Variants in THADA observed in about 807,000 individuals in gnomAD.
The protein encoded by THADA is THADA armadillo repeat containing.
A neutral mutation model predicts 219.8 loss-of-function variants in THADA; 213 were observed. The ratio of observed to expected loss-of-function variants is 0.97; its 90% CI spans 0.87 to 1.09. The LOEUF is 1.09. THADA is among the 50% of genes least tolerant of loss of function. The probability of loss-of-function intolerance (pLI) is 0.00; values close to 1 mark genes in which losing one functional copy is unlikely to be tolerated. For missense variants in THADA, 2,956 were observed against 2,311.3 expected, an observed-to-expected ratio of 1.28 and a Z score of -5.72; for synonymous variants, 1,018 against 828.9, an observed-to-expected ratio of 1.23 and a Z score of -3.92.
intron 29 of THADA, among the ~76,000 whole-genome samples, chr2:43,377,673 T>C (rs1671536180): frequency 6.6e-6 from 1 of 152,120 alleles, no homozygotes; most frequent in Non-Finnish European, 1.5e-5. Flanking sequence ...GCAATCAAAA[T>C]TTCAGGTTTG....
chr2:43,485,095 G>GGTTA, intron 26 of THADA, 139 bp downstream of exon 26: 1 of 611,604 alleles, frequency 1.6e-6, no homozygotes, highest in Admixed American at 3.3e-5. Flanking sequence ...TGGCAGCATA[G>GGTTA]GTTAATTCAT....
In THADA at chr2:43,512,298, T is replaced by C. The variant is rs148936986; in HGVS notation, c.3375-3518A>G. On this transcript the variant is annotated intron_variant, in intron 22 of 37. Coordinates refer to ENST00000405975, the MANE Select transcript of THADA (RefSeq NM_022065.5). ...TACGCAGAATTCTTTACTTATCTGG[T>C]TTCCAGTGTGAACTCTACCACCGGT... Among the ~76,000 whole-genome samples, 675 of 152,250 alleles carry C rather than the reference T, an allele frequency of 4.4e-3. 3 individuals carry two copies. The highest frequency in any genetic ancestry group is 0.01 in the Middle Eastern group (3 of 294).
rs564344790 is a variant in THADA, at chr2:43,442,109, C to T, written c.3837-11807G>A. On this transcript the variant is annotated intron_variant, in intron 26 of 37. Transcript: ENST00000405975. ...GAGTTGGAAAATATATCATTTGGGT[C>T]GGGGACATCATTATGGATAGTTTTG... Among the ~76,000 whole-genome samples the T allele has an allele frequency of 1.3e-3, 195 of 152,140 alleles. 1 individual carries two copies. The highest frequency in any genetic ancestry group is 2.7e-3 in the South Asian group (13 of 4,796).
intron 26 of THADA, among the ~76,000 whole-genome samples, chr2:43,470,389 A>G (rs1321722027): frequency 6.6e-6 from 1 of 152,098 alleles, no homozygotes; most frequent in Non-Finnish European, 1.5e-5. Context: ...CATTACTAAT[A>G]ATATTAAAAA....
intron 31 of THADA, among the ~76,000 whole-genome samples, chr2:43,297,417 G>A (rs1390347036): frequency 2.0e-5 from 2 of 100,942 alleles, no homozygotes; most frequent in African/African-American, 7.0e-5. Context: ...GAGCGTCTCC[G>A]CCCGGCAGCC....
chr2:43,591,033 C>A, intron 3 of THADA, 79 bp from the exon 4 acceptor site: 1 of 1,396,468 alleles, frequency 7.2e-7, no homozygotes, highest in Non-Finnish European at 9.8e-7. Flanking sequence ...TCTTTGAAGT[C>A]TCAATTGCTG....
At chr2:43,526,648 C>T (rs990168981) in intron 22 of THADA, among the ~76,000 whole-genome samples, 1 of 152,300 alleles carries the variant, frequency 6.6e-6, no homozygotes, top group East Asian at 1.9e-4. Context: ...TCAGTCCACA[C>T]ACATCCACAC....
At chr2:43,529,156 T>TAA (rs397741585) in intron 21 of THADA, among the ~76,000 whole-genome samples, 2 of 144,424 alleles carry the variant, frequency 1.4e-5, no homozygotes, top group Non-Finnish European at 3.1e-5. Context: ...TGACTTTTTT[T>TAA]AAAAAAAAAA....
intron 20 of THADA, among the ~76,000 whole-genome samples, chr2:43,543,989 G>C (rs2103833122): frequency 6.6e-6 from 1 of 152,202 alleles, no homozygotes; most frequent in South Asian, 2.1e-4. Context: ...TTCTTCTAGG[G>C]TTTTTATGGT....
At chr2:43,233,684 T>G (rs1667706120) in intron 36 of THADA, among the ~76,000 whole-genome samples, 1 of 152,134 alleles carries the variant, frequency 6.6e-6, no homozygotes, top group South Asian at 2.1e-4. Context: ...GCAGGGGGCC[T>G]TGGGGAAACC....
chr2:43,285,844 C>G (rs569963467), intron 35 of THADA, among the ~76,000 whole-genome samples: 2 of 152,302 alleles, frequency 1.3e-5, no homozygotes, highest in East Asian at 3.9e-4. Flanking sequence ...AGCCACTGTG[C>G]CTGGCTCAGG....
intron 21 of THADA, among the ~76,000 whole-genome samples, chr2:43,535,642 A>C (rs1222772312): frequency 7.4e-6 from 1 of 135,662 alleles, no homozygotes; most frequent in Non-Finnish European, 1.5e-5. Context: ...AGACAGCGCC[A>C]CTGCACTCAA....
intron 11 of THADA, 79 bp from the exon 12 acceptor site, chr2:43,573,071 C>T (rs1699479404): frequency 8.8e-7 from 1 of 1,141,842 alleles, no homozygotes; most frequent in Non-Finnish European, 1.2e-6. Flanking sequence ...TTCATGTTTC[C>T]AATTAACATT....
chr2:43,443,746 G>C (rs1681153366), intron 26 of THADA, among the ~76,000 whole-genome samples: 1 of 152,208 alleles, frequency 6.6e-6, no homozygotes, highest in South Asian at 2.1e-4. Flanking sequence ...ATTCAGAACT[G>C]TCAGACTATG....
intron 17 of THADA, chr2:43,556,139 TATTC>T: frequency 8.8e-7 from 1 of 1,140,408 alleles, no homozygotes; most frequent in Non-Finnish European, 1.2e-6. Flanking sequence ...TATATGTACT[TATTC>T]AACATAAATC....
At chr2:43,313,279 C>T (rs1157786732) in intron 31 of THADA, among the ~76,000 whole-genome samples, 1 of 152,146 alleles carries the variant, frequency 6.6e-6, no homozygotes, top group Non-Finnish European at 1.5e-5. Context: ...GTCTTCTAAT[C>T]GTACACTGAT....
intron 4 of THADA, among the ~76,000 whole-genome samples, chr2:43,590,599 C>T (rs1574399304): frequency 6.8e-6 from 1 of 147,678 alleles, no homozygotes; most frequent in Non-Finnish European, 1.5e-5. Flanking sequence ...GAGCCAAGAT[C>T]GCACCACTGC....
chr2:43,266,433 C>T (rs866582547), intron 36 of THADA, among the ~76,000 whole-genome samples: 1 of 151,800 alleles, frequency 6.6e-6, no homozygotes, highest in South Asian at 2.1e-4. Context: ...CTGCTAAAAA[C>T]AAAAAAACAA....
At chr2:43,371,523 T>C (rs886295178) in intron 29 of THADA, among the ~76,000 whole-genome samples, 2 of 152,200 alleles carry the variant, frequency 1.3e-5, no homozygotes, top group Non-Finnish European at 1.5e-5. Flanking sequence ...AAATTGTCTC[T>C]TTATGTTAAA....
Sources: gnomAD v4.1 joint callset for allele counts (sites outside exome capture counted in the v4.1 genomes callset) on GRCh38, gnomAD v4.1.1 for gene constraint, MANE v1.5 for transcripts, NCBI Gene and HGNC (gene_info 2026-07-23, HGNC 2026-07-21) for gene names.